Variants in DNAH6 observed in about 807,000 individuals in gnomAD.
DNAH6 encodes the protein dynein axonemal heavy chain 6, also known as axonemal beta dynein heavy chain 6.
In DNAH6, 340 loss-of-function variants were observed where a neutral mutation model predicts 491.4. The ratio of observed to expected loss-of-function variants is 0.69; its 90% confidence interval spans 0.63 to 0.76. DNAH6 has a LOEUF of 0.76. DNAH6 is among the 30% of genes least tolerant of loss of function. The pLI, the probability that DNAH6 is intolerant of heterozygous loss-of-function variation, is 0.00. For synonymous variants in DNAH6, 1,603 were observed against 1,686.1 expected (o/e 0.95, Z 1.21); for missense variants, 4,443 against 4,972.2 (o/e 0.89, Z 3.20).
chr2:84,606,641 A>G (rs536289986), intron 20 of DNAH6, among the ~76,000 whole-genome samples: 6 of 152,328 alleles, frequency 3.9e-5, no homozygotes, highest in African/African-American at 1.2e-4. Context: ...AGGCAAGCCC[A>G]GGTGACCAAA....
intron 4 of DNAH6, among the ~76,000 whole-genome samples, chr2:84,536,246 C>T (rs189323891): frequency 3.9e-5 from 6 of 152,096 alleles, no homozygotes; most frequent in Admixed American, 3.9e-4. Context: ...GCAAATGATC[C>T]AACTTTGCAG....
intron 26 of DNAH6, among the ~76,000 whole-genome samples, chr2:84,622,330 T>C (rs1687474057): frequency 6.6e-6 from 1 of 152,194 alleles, no homozygotes. Context: ...CATTTTCTTT[T>C]ATTTTTTTCT....
chr2:84,737,812 T>A (rs1468748245), intron 62 of DNAH6, among the ~76,000 whole-genome samples: 1 of 152,124 alleles, frequency 6.6e-6, no homozygotes, highest in Non-Finnish European at 1.5e-5. Flanking sequence ...GTATGGTTTT[T>A]GAGGTCTCAA....
intron 18 of DNAH6, among the ~76,000 whole-genome samples, chr2:84,596,841 T>G (rs1684641900): frequency 6.6e-6 from 1 of 152,186 alleles, no homozygotes; most frequent in African/African-American, 2.4e-5. Context: ...TTTATTGCCT[T>G]TAGTGTGATT....
chr2:84,653,942 C>G, intron 34 of DNAH6, 68 bp downstream of exon 34: 2 of 1,300,274 alleles, frequency 1.5e-6, no homozygotes, highest in Non-Finnish European at 2.1e-6. Flanking sequence ...ACATTTTTTT[C>G]TCACACTGAT....
At chr2:84,464,252 C>G in the DNAH6 span, among the ~76,000 whole-genome samples, 5 of 152,182 alleles carry the variant, frequency 3.3e-5, no homozygotes, top group African/African-American at 1.2e-4. Context: ...ATATGAGAAC[C>G]TTTCAGCCTC....
intron 11 of DNAH6, among the ~76,000 whole-genome samples, chr2:84,567,662 G>T (rs1046231333): frequency 6.6e-6 from 1 of 152,076 alleles, no homozygotes; most frequent in Non-Finnish European, 1.5e-5. Context: ...ATGGATTAAA[G>T]ATTTAAATGT....
intron 59 of DNAH6, 149 bp downstream of exon 59, chr2:84,718,533 G>T: frequency 1.9e-6 from 1 of 530,356 alleles, no homozygotes; most frequent in East Asian, 3.4e-5. Flanking sequence ...GCCTGTCAGG[G>T]CTCCTTGCCA....
chr2:84,754,649 T>C (rs1673822756), intron 63 of DNAH6, among the ~76,000 whole-genome samples: 1 of 152,252 alleles, frequency 6.6e-6, no homozygotes, highest in Non-Finnish European at 1.5e-5. Flanking sequence ...TATATGTCTA[T>C]CCTTATTCCA....
In DNAH6 at chr2:84,577,259, A is replaced by G; in HGVS notation, c.1927A>G (p.Ile643Val). 1.3e-6 allele frequency: 2 copies of G among 1,574,036 alleles called. No individual in the cohort carries two copies. The highest frequency in any genetic ancestry group is 1.7e-6 in the Non-Finnish European group (2 of 1,163,246). Reference protein sequence around the residue: ...LQALKLQEPDINFFSEQLEKY... With the variant: ...LQALKLQEPDVNFFSEQLEKY... ...TTTATGTGAATTTTTTTATGTAGAT[A>G]TTAACTTTTTTAGTGAACAACTGGA... The change falls in exon 13 of 77, where the codon ATT becomes GTT. Residue 643 changes from isoleucine to valine, a missense_variant and splice_region_variant. By Grantham distance (29) the Ile-to-Val change is conservative. Transcript: ENST00000389394.
At chr2:84,796,976 A>G (rs1678417309) in intron 69 of DNAH6, among the ~76,000 whole-genome samples, 1 of 152,218 alleles carries the variant, frequency 6.6e-6, no homozygotes. Context: ...AAACAGATTA[A>G]TTGTCCTGAG....
chr2:84,681,433 T>C lies in DNAH6; in HGVS notation c.6821T>C (p.Val2274Ala), dbSNP rs1693764574. The C allele has an allele frequency of 5.8e-6, 9 of 1,551,454 alleles. No homozygotes were observed. The highest frequency in any genetic ancestry group is 7.8e-6 in the Non-Finnish European group (9 of 1,146,908). ...QTASSIVEAS[V>A]EIYNKMSVDL... ...GCATCAAGCATTGTAGAAGCCTCAG[T>C]TGAGATTTATAACAAAATGAGTGTT... Residue 2274 changes from valine to alanine, a missense_variant, in exon 42 of 77, where the codon GTT (valine) becomes GCT (alanine). Transcript: ENST00000389394.
chr2:84,549,932 A>G lies in DNAH6; in HGVS notation c.1360A>G (p.Ile454Val), dbSNP rs1476434058. The G allele has an allele frequency of 6.2e-7, 1 of 1,613,902 alleles. No homozygotes were observed. Among genetic ancestry groups the G allele is most frequent in the Non-Finnish European group, 8.5e-7 (1 of 1,179,916 alleles). ...CTATCTAATTGAGAACACAATGCAC[A>G]TCTTAACGGTAAATGCTGTTAATTC... Reference protein sequence around the residue: ...NDYLIENTMHILTVNAVNSLL... With the variant: ...NDYLIENTMHVLTVNAVNSLL... Residue 454 changes from isoleucine (I) to valine (V), a missense_variant, in exon 9 of 77, where the codon ATC becomes GTC. Ile to Val is a conservative substitution (Grantham distance 29). Transcript: ENST00000389394.
At chr2:84,759,925 G>C (rs990295305) in intron 63 of DNAH6, among the ~76,000 whole-genome samples, 24 of 152,070 alleles carry the variant, frequency 1.6e-4, no homozygotes, top group African/African-American at 5.8e-4. Flanking sequence ...ATATTACAAG[G>C]CTATAGTAAT....
intron 22 of DNAH6, among the ~76,000 whole-genome samples, chr2:84,612,967 C>G (rs1686475489): frequency 2.0e-5 from 3 of 151,944 alleles, no homozygotes; most frequent in Non-Finnish European, 4.4e-5. Flanking sequence ...AGTGCTGTCC[C>G]AGTCCCTACT....
At chr2:84,481,762 ACT>A in the DNAH6 span, among the ~76,000 whole-genome samples, 2 of 152,154 alleles carry the variant, frequency 1.3e-5, no homozygotes, top group Admixed American at 1.3e-4. Flanking sequence ...GGTCTATGCC[ACT>A]CTGGCACAAA....
At chr2:84,606,511 C>G (rs1685786392) in intron 20 of DNAH6, among the ~76,000 whole-genome samples, 1 of 152,078 alleles carries the variant, frequency 6.6e-6, no homozygotes. Context: ...ACTGTATAAC[C>G]ATTCAGAGCT....
At chr2:84,536,318 G>A (rs1467375278) in intron 4 of DNAH6, among the ~76,000 whole-genome samples, 1 of 151,980 alleles carries the variant, frequency 6.6e-6, no homozygotes, top group Non-Finnish European at 1.5e-5. Flanking sequence ...TTGACCACCT[G>A]AATAGCTTAA....
chr2:84,621,105 T>G, intron 24 of DNAH6, 86 bp from the exon 25 acceptor site: 1 of 1,384,894 alleles, frequency 7.2e-7, no homozygotes, highest in Non-Finnish European at 9.8e-7. Context: ...TTTATGTAGC[T>G]TAGGATTCTG....
Sources: gnomAD v4.1 joint callset for allele counts (sites outside exome capture counted in the v4.1 genomes callset) on GRCh38, gnomAD v4.1.1 for gene constraint, MANE v1.5 for transcripts, NCBI Gene and HGNC (gene_info 2026-07-23, HGNC 2026-07-21) for gene names.